Variants in PLD5 observed in about 807,000 individuals in gnomAD.
PLD5 encodes inactive phospholipase D5.
PLD5 carries 36 observed loss-of-function variants against 61.1 expected under a neutral mutation model. The observed-to-expected ratio is 0.59, with a 90% CI of 0.45 to 0.78. PLD5 has a LOEUF of 0.78. PLD5 is among the 30% of genes least tolerant of loss of function. The pLI is 0.00. For synonymous variants in PLD5, 243 were observed against 242.8 expected (o/e 1.00, Z -0.01); for missense variants, 515 against 644.4 (o/e 0.80, Z 2.17).
At position 242,083,443 on chromosome 1, in the gene PLD5, C is replaced by T. The variant is rs1659337574; in HGVS notation, c.*6411G>A. 1.3e-5 allele frequency: 2 copies of T among 152,154 alleles called. No individual in the cohort carries two copies. Among genetic ancestry groups the T allele is most frequent in the South Asian group, 2.1e-4 (1 of 4,830 alleles). 9.4% of individuals were successfully genotyped at this position (152,154 alleles called of 1,614,324 possible). On this transcript the variant is annotated 3_prime_UTR_variant, in exon 10 of 10. Transcript: ENST00000536534. ...GGCAGAAAACATGGTTTTGCTCCTG[C>T]AGGAGCTGTGGAGGTAGGGTCTCTC... is the stretch of plus-strand genomic sequence containing the variant.
intron 5 of PLD5, among the ~76,000 whole-genome samples, chr1:242,198,814 AACCTCC>A (rs1408613144): frequency 6.6e-6 from 1 of 151,734 alleles, no homozygotes; most frequent in African/African-American, 2.4e-5. Context: ...AGCTCACCGC[AACCTCC>A]ACCTCCCGGG....
At chr1:242,265,845 CT>C (rs1321902545) in intron 3 of PLD5, among the ~76,000 whole-genome samples, 1 of 152,178 alleles carries the variant, frequency 6.6e-6, no homozygotes, top group African/African-American at 2.4e-5. Context: ...GTTTCTTAAT[CT>C]CACTAATCTC....
intron 4 of PLD5, among the ~76,000 whole-genome samples, chr1:242,244,920 T>C (rs946852362): frequency 6.6e-6 from 1 of 152,354 alleles, no homozygotes; most frequent in African/African-American, 2.4e-5. Flanking sequence ...GAAACTCAAA[T>C]AGAACTCAGA....
At chr1:242,357,766 C>T (rs901891054) in intron 1 of PLD5, among the ~76,000 whole-genome samples, 1 of 152,090 alleles carries the variant, frequency 6.6e-6, no homozygotes, top group Admixed American at 6.5e-5. Context: ...GGATTACAGA[C>T]ATGAGCCACT....
intron 1 of PLD5, among the ~76,000 whole-genome samples, chr1:242,397,114 C>T (rs1292600141): frequency 1.3e-5 from 2 of 152,100 alleles, no homozygotes; most frequent in African/African-American, 4.8e-5. Context: ...TACCAATCGT[C>T]TCACCTAATA....
intron 1 of PLD5, among the ~76,000 whole-genome samples, chr1:242,405,380 T>G (rs967449118): frequency 2.9e-4 from 44 of 152,142 alleles, no homozygotes; most frequent in Admixed American, 2.8e-3. Context: ...TAGCATTCAG[T>G]GGGTAGAGGC....
At position 242,263,295 on chromosome 1, in the gene PLD5, A is replaced by G. The variant is rs533829410; in HGVS notation, c.607+2042T>C. The stretch of plus-strand genomic sequence containing the variant: ...CTCATGGCTTATTTTATATTTACCT[A>G]TTTTTTTCGTGGGATATTTCTGGAA... On this transcript the variant is annotated intron_variant, in intron 4 of 9. Transcript: ENST00000536534. 3.3e-5 allele frequency among the ~76,000 whole-genome samples: 5 copies of G among 151,294 alleles called. No individual in the cohort carries two copies. In the East Asian group the frequency reaches 5.9e-4, roughly 18 times the overall value.
intron 1 of PLD5, among the ~76,000 whole-genome samples, chr1:242,460,040 T>G (rs1667068873): frequency 6.6e-6 from 1 of 152,314 alleles, no homozygotes; most frequent in East Asian, 1.9e-4. Context: ...TTACTGCTGA[T>G]TAATATCTTG....
upstream of PLD5, among the ~76,000 whole-genome samples, chr1:242,526,134 G>A (rs1482196871): frequency 2.0e-5 from 3 of 152,200 alleles, no homozygotes; most frequent in Non-Finnish European, 4.4e-5. Flanking sequence ...CAGGCGGAGT[G>A]GCTCAGGTTT....
intron 1 of PLD5, among the ~76,000 whole-genome samples, chr1:242,512,002 A>G (rs1668925938): frequency 6.6e-6 from 1 of 152,192 alleles, no homozygotes; most frequent in South Asian, 2.1e-4. Context: ...TGTCACGGAC[A>G]TATCGTGGGT....
chr1:242,525,515 T>C (rs1669422773), upstream of PLD5, among the ~76,000 whole-genome samples: 1 of 152,256 alleles, frequency 6.6e-6, no homozygotes, highest in African/African-American at 2.4e-5. Flanking sequence ...GGGTGGCTTG[T>C]TCGCGATTAA....
intron 1 of PLD5, among the ~76,000 whole-genome samples, chr1:242,502,766 CAG>C (rs1282234927): frequency 2.0e-5 from 3 of 152,076 alleles, no homozygotes; most frequent in Non-Finnish European, 4.4e-5. Context: ...AGTTGTAAAA[CAG>C]AGTCCTGTGG....
intron 9 of PLD5, among the ~76,000 whole-genome samples, chr1:242,092,816 C>T (rs117569650): frequency 6.6e-6 from 1 of 152,098 alleles, no homozygotes; most frequent in Non-Finnish European, 1.5e-5. Context: ...CTGGAGCCCT[C>T]GAACATACCG....
At chr1:242,320,207 G>A (rs1332081149) in intron 2 of PLD5, among the ~76,000 whole-genome samples, 15 of 152,126 alleles carry the variant, frequency 9.9e-5, no homozygotes, top group African/African-American at 3.4e-4. Flanking sequence ...ATTTATTGAC[G>A]GTATTATATT....
At position 242,089,639 on chromosome 1, in the gene PLD5, ATT is replaced by A; in HGVS notation, c.*213_*214del. On this transcript the variant is annotated 3_prime_UTR_variant, in exon 10 of 10. Coordinates refer to ENST00000536534, the MANE Select transcript of PLD5 (RefSeq NM_001372062.1). ...AAACTAACTTCTACGCCAGAATGAC[ATT>A]CTCTGTCAGAGGTAACAAATACAAA... is the stretch of plus-strand genomic sequence containing the variant. 2 of 600,046 alleles carry A rather than the reference ATT, an allele frequency of 3.3e-6. No individual in the cohort carries two copies. The highest frequency in any genetic ancestry group is 1.9e-5 in the African/African-American group (1 of 53,986). The allele number at this position is 600,046 out of a possible 1,614,324, so 37.2% of individuals were successfully genotyped here. A position where few individuals can be genotyped will look rare whatever the true frequency, so the allele number is the denominator to read the frequency against.
At chr1:242,355,598 A>C (rs1462720466) in intron 1 of PLD5, among the ~76,000 whole-genome samples, 1 of 150,968 alleles carries the variant, frequency 6.6e-6, no homozygotes, top group African/African-American at 2.4e-5. Context: ...TCTGGTTTCT[A>C]TTTCATTTAT....
At chr1:242,141,010 C>T (rs1664120603) in intron 5 of PLD5, among the ~76,000 whole-genome samples, 1 of 152,158 alleles carries the variant, frequency 6.6e-6, no homozygotes, top group South Asian at 2.1e-4. Context: ...AATTCCAAGT[C>T]CCTCTGTGGT....
chr1:242,143,698 A>G (rs1048245167), intron 5 of PLD5, among the ~76,000 whole-genome samples: 2 of 152,166 alleles, frequency 1.3e-5, no homozygotes, highest in Non-Finnish European at 2.9e-5. Context: ...ATTGTCCTTT[A>G]TCTTAGGACT....
intron 5 of PLD5, among the ~76,000 whole-genome samples, chr1:242,151,199 A>G (rs1229806452): frequency 1.3e-5 from 2 of 151,946 alleles, no homozygotes; most frequent in Admixed American, 6.6e-5. Flanking sequence ...ATCTTTTATA[A>G]CAATTAAAAT....
Sources: allele counts gnomAD v4.1 joint callset (sites outside exome capture counted in the v4.1 genomes callset), GRCh38; gene constraint gnomAD v4.1.1; transcripts MANE v1.5; gene names NCBI Gene and HGNC (gene_info 2026-07-23, HGNC 2026-07-21).